The following SEMA3A variants were observed in gnomAD, a reference collection of about 807,000 sequenced individuals.
SEMA3A encodes semaphorin-3A.
Under a neutral mutation model 97.9 loss-of-function variants are expected in SEMA3A, and 29 were observed. That is an observed-to-expected ratio of 0.30 (90% CI 0.22 to 0.40). SEMA3A has a LOEUF of 0.40. Among genes scored for constraint, SEMA3A ranks in the 10% least tolerant of loss-of-function variants. The pLI is 1.00. For missense variants in SEMA3A, 763 were observed against 951.3 expected (o/e 0.80, Z 2.60); for synonymous variants, 321 against 323.7 (o/e 0.99, Z 0.09).
chr7:84,429,515 G>GTT (rs1479237963), intron 1 of SEMA3A, among the ~76,000 whole-genome samples: 384 of 35,710 alleles, frequency 0.011, 20 homozygotes, highest in African/African-American at 0.021. Flanking sequence ...TATAGAGTTT[G>GTT]TTATATATAT....
chr7:84,335,778 T>C (rs1042160648), intron 2 of SEMA3A, among the ~76,000 whole-genome samples: 1 of 152,172 alleles, frequency 6.6e-6, no homozygotes, highest in Non-Finnish European at 1.5e-5. Flanking sequence ...TAATGTGGGC[T>C]ACATATTTAA....
intron 2 of SEMA3A, among the ~76,000 whole-genome samples, chr7:84,362,885 G>A (rs952208307): frequency 1.1e-4 from 16 of 151,936 alleles, no homozygotes; most frequent in Non-Finnish European, 1.5e-4. Context: ...TCTATCTAGA[G>A]CCCTGCTCTA....
chr7:84,252,585 A>C (rs1799633254), intron 3 of SEMA3A, among the ~76,000 whole-genome samples: 1 of 152,180 alleles, frequency 6.6e-6, no homozygotes. Context: ...TTTATCATTT[A>C]TTGAAAACCA....
intron 3 of SEMA3A, among the ~76,000 whole-genome samples, chr7:84,203,908 G>A (rs1305663491): frequency 1.3e-5 from 2 of 151,830 alleles, no homozygotes; most frequent in African/African-American, 4.8e-5. Flanking sequence ...TGGCATTAGA[G>A]AGAATTCTAA....
At chr7:84,398,997 C>T (rs1197188431) in intron 1 of SEMA3A, among the ~76,000 whole-genome samples, 1 of 152,042 alleles carries the variant, frequency 6.6e-6, no homozygotes, top group Non-Finnish European at 1.5e-5. Flanking sequence ...AACAGAGTAC[C>T]TGGTCTTAGC....
At chr7:83,990,034 A>C (rs1330086972) in intron 12 of SEMA3A, among the ~76,000 whole-genome samples, 1 of 151,662 alleles carries the variant, frequency 6.6e-6, no homozygotes, top group African/African-American at 2.4e-5. Context: ...ATGGTATCTC[A>C]TTGTGGTTTT....
intron 4 of SEMA3A, among the ~76,000 whole-genome samples, chr7:84,107,150 T>C (rs1271995555): frequency 6.6e-6 from 1 of 152,188 alleles, no homozygotes; most frequent in Non-Finnish European, 1.5e-5. Flanking sequence ...CGATTGCTAT[T>C]TTATTTCTCA....
chr7:84,046,317 C>A lies in SEMA3A; in HGVS notation c.667+7G>T, dbSNP rs778914985. 94 of 1,612,080 alleles carry A rather than the reference C, an allele frequency of 5.8e-5. No individual in the cohort carries two copies. The highest frequency in any genetic ancestry group is 7.5e-5 in the Non-Finnish European group (89 of 1,179,022). ...TACATGTCTATGTTCTTTCATAAAC[C>A]ACCTACCATTGAGCCACCTGGAATC... On this transcript the variant is annotated splice_region_variant and intron_variant, in intron 6 of 16. Transcript: ENST00000265362.
chr7:84,005,988 A>G (rs1411510506), intron 10 of SEMA3A, among the ~76,000 whole-genome samples: 1 of 152,076 alleles, frequency 6.6e-6, no homozygotes, highest in Non-Finnish European at 1.5e-5. Context: ...AATATATAGT[A>G]TATATTTCCC....
chr7:84,414,810 C>A (rs1007579570), intron 1 of SEMA3A, among the ~76,000 whole-genome samples: 5 of 152,042 alleles, frequency 3.3e-5, no homozygotes, highest in Admixed American at 2.0e-4. Context: ...AATGCAGAAT[C>A]ATTGTTTGAA....
chr7:84,419,604 C>A (rs1260154134), intron 1 of SEMA3A, among the ~76,000 whole-genome samples: 3 of 151,682 alleles, frequency 2.0e-5, no homozygotes, highest in African/African-American at 7.3e-5. Flanking sequence ...GGGAGAGTTT[C>A]CTTGGGAAGG....
intron 1 of SEMA3A, among the ~76,000 whole-genome samples, chr7:84,475,294 G>C (rs931166861): frequency 6.6e-6 from 1 of 152,036 alleles, no homozygotes; most frequent in African/African-American, 2.4e-5. Context: ...ATGTTTGTTT[G>C]TTCATTCTGT....
intron 3 of SEMA3A, among the ~76,000 whole-genome samples, chr7:84,113,616 G>C (rs1195851115): frequency 6.6e-6 from 1 of 152,140 alleles, no homozygotes; most frequent in Non-Finnish European, 1.5e-5. Flanking sequence ...ATGTAATAAA[G>C]AGAGTGGAAT....
intron 5 of SEMA3A, among the ~76,000 whole-genome samples, chr7:84,047,053 A>C (rs564744598): frequency 1.3e-5 from 2 of 152,098 alleles, no homozygotes; most frequent in African/African-American, 4.8e-5. Context: ...TATTTGTTAT[A>C]AGCTATCAAC....
chr7:84,289,309 G>A (rs978884233), intron 3 of SEMA3A, among the ~76,000 whole-genome samples: 1 of 151,988 alleles, frequency 6.6e-6, no homozygotes, highest in Non-Finnish European at 1.5e-5. Flanking sequence ...AGCACAGCAC[G>A]GTGACCACAG....
At chr7:84,157,662 G>A (rs1053882855) in intron 1 of SEMA3A, among the ~76,000 whole-genome samples, 16 of 152,170 alleles carry the variant, frequency 1.1e-4, no homozygotes, top group Non-Finnish European at 1.9e-4. Flanking sequence ...AAAACCAGTC[G>A]TTGTAATTAT....
At chr7:84,312,921 T>TACACACAC (rs1323561552) in intron 2 of SEMA3A, among the ~76,000 whole-genome samples, 372 of 32,754 alleles carry the variant, frequency 0.011, 4 homozygotes, top group South Asian at 0.017. Context: ...TATATATATA[T>TACACACAC]ACACACACAC....
intron 3 of SEMA3A, among the ~76,000 whole-genome samples, chr7:84,230,053 T>C (rs940297137): frequency 2.0e-5 from 3 of 152,004 alleles, no homozygotes; most frequent in African/African-American, 7.2e-5. Context: ...CTTCTAATTA[T>C]CTAGTTTTCA....
chr7:84,474,129 A>C (rs577466691), intron 1 of SEMA3A, among the ~76,000 whole-genome samples: 62 of 152,366 alleles, frequency 4.1e-4, no homozygotes, highest in African/African-American at 1.4e-3. Context: ...ATCTGACTAT[A>C]ACATAATATT....
Sources: gnomAD v4.1 joint callset for allele counts (sites outside exome capture counted in the v4.1 genomes callset) on GRCh38, gnomAD v4.1.1 for gene constraint, MANE v1.5 for transcripts, NCBI Gene and HGNC (gene_info 2026-07-23, HGNC 2026-07-21) for gene names.